The following NFATC3 variants were observed in gnomAD, a reference collection of about 807,000 sequenced individuals.
NFATC3 encodes the protein nuclear factor of activated T-cells, cytoplasmic 3.
Under a neutral mutation model 98.6 loss-of-function variants are expected in NFATC3, and 46 were observed. That is an observed-to-expected ratio of 0.47 (90% CI 0.37 to 0.60). The LOEUF is 0.60. NFATC3 is among the 20% of genes least tolerant of loss of function. NFATC3 has a pLI of 0.00. For missense variants in NFATC3, 1,256 were observed against 1,295.5 expected, an observed-to-expected ratio of 0.97 and a Z score of 0.47; for synonymous variants, 512 against 472.2, an observed-to-expected ratio of 1.08 and a Z score of -1.09.
intron 8 of NFATC3, among the ~76,000 whole-genome samples, chr16:68,186,424 C>T (rs2151103691): frequency 6.6e-6 from 1 of 152,040 alleles, no homozygotes; most frequent in Non-Finnish European, 1.5e-5. Context: ...CCTGTAGTCC[C>T]AGCTGCTGGG....
At chr16:68,129,056 C>T (rs1478658731) in intron 3 of NFATC3, among the ~76,000 whole-genome samples, 2 of 152,182 alleles carry the variant, frequency 1.3e-5, no homozygotes, top group African/African-American at 4.8e-5. Context: ...GATTGTGCCA[C>T]TGCACTCCAG....
chr16:68,158,363 A>G (rs1167187107), intron 4 of NFATC3, among the ~76,000 whole-genome samples: 1 of 152,190 alleles, frequency 6.6e-6, no homozygotes, highest in East Asian at 1.9e-4. Context: ...TAGGGTAGAC[A>G]ATAAATAAAC....
intron 3 of NFATC3, among the ~76,000 whole-genome samples, chr16:68,141,380 C>T (rs1223073687): frequency 4.6e-5 from 7 of 152,170 alleles, no homozygotes; most frequent in Non-Finnish European, 1.5e-5. Flanking sequence ...GAGAAATCTC[C>T]ATACTGTTTT....
At chr16:68,178,274 T>G (rs9935653) in intron 6 of NFATC3, among the ~76,000 whole-genome samples, 4,087 of 152,282 alleles carry the variant, frequency 0.027, 178 homozygotes, top group African/African-American at 0.092. Context: ...TTTTTCTCTC[T>G]GGGTTTCTTA....
At chr16:68,090,213 A>G (rs2034626962) in intron 1 of NFATC3, among the ~76,000 whole-genome samples, 1 of 152,028 alleles carries the variant, frequency 6.6e-6, no homozygotes. Context: ...TATCTTGTGT[A>G]AATGAGATAA....
intron 9 of NFATC3, among the ~76,000 whole-genome samples, chr16:68,220,919 A>AG (rs900760112): frequency 9.2e-5 from 14 of 151,640 alleles, no homozygotes; most frequent in Non-Finnish European, 1.9e-4. Context: ...ACTCTGTCTC[A>AG]GAAAAAAAAA....
rs755101209 is a variant in NFATC3 at position 68,122,374 on chromosome 16, C to T, written c.491C>T (p.Pro164Leu). 1.2e-6 allele frequency: 2 copies of T among 1,614,010 alleles called. No individual in the cohort carries two copies. The highest frequency in any genetic ancestry group is 1.3e-5 in the African/African-American group (1 of 74,922). ...EPSYRESSLS[P>L]SPASSISSRS... ...TCCTACCGGGAGTCTTCTCTTAGTCCTAGTCCTGCCAGCAGCATCTCTTCT... is the reference window on the plus strand; with the variant it reads ...TCCTACCGGGAGTCTTCTCTTAGTCTTAGTCCTGCCAGCAGCATCTCTTCT... The change falls in exon 2 of 10, where the codon CCT becomes CTT. Residue 164 changes from proline (P) to leucine (L), a missense_variant. Transcript: ENST00000346183.
chr16:68,088,894 A>C, intron 1 of NFATC3: 1 of 755,020 alleles, frequency 1.3e-6, no homozygotes, highest in Non-Finnish European at 1.6e-6. Flanking sequence ...CTAGTCTGGA[A>C]CTCCTGGGCT....
At chr16:68,165,518 T>C (rs909037325) in intron 4 of NFATC3, among the ~76,000 whole-genome samples, 35 of 150,292 alleles carry the variant, frequency 2.3e-4, no homozygotes, top group Non-Finnish European at 4.1e-4. Context: ...TGCCTCAGCC[T>C]CCCAAGTAGC....
At chr16:68,190,271 CAG>C (rs899735889) in intron 8 of NFATC3, among the ~76,000 whole-genome samples, 14 of 152,090 alleles carry the variant, frequency 9.2e-5, no homozygotes, top group Non-Finnish European at 2.9e-5. Flanking sequence ...CTATGAATGT[CAG>C]AGTCATGATT....
At chr16:68,174,540 T>C (rs764875939) in intron 6 of NFATC3, 26 bp downstream of exon 6, 28 of 1,522,778 alleles carry the variant, frequency 1.8e-5, no homozygotes, top group Non-Finnish European at 2.4e-5. Flanking sequence ...GTTGATTGAC[T>C]TCAAACTAAG....
At chr16:68,088,506 T>C (rs150045315) in intron 1 of NFATC3, among the ~76,000 whole-genome samples, 2 of 133,632 alleles carry the variant, frequency 1.5e-5, no homozygotes, top group Admixed American at 7.2e-5. Flanking sequence ...TTTTATATAT[T>C]ATATATAATG....
At position 68,092,689 on chromosome 16, in the gene NFATC3, T is replaced by C. The variant is rs552248405; in HGVS notation, c.103+6905T>C. On this transcript the variant is annotated intron_variant, in intron 1 of 9. Coordinates refer to ENST00000346183, the MANE Select transcript of NFATC3 (RefSeq NM_173165.3). ...AAGTATCTCTTGAGCCTAGGGATTC[T>C]AGACCAGTCTGGATAACATAAGGAT... Among the ~76,000 whole-genome samples, 70 of 152,242 alleles carry C rather than the reference T, an allele frequency of 4.6e-4. No individual in the cohort carries two copies. In the South Asian group the frequency reaches 0.014, roughly 31 times the overall value.
At position 68,126,561 on chromosome 16, in the gene NFATC3, G is replaced by A; in HGVS notation, c.1352G>A (p.Gly451Asp). The A allele has an allele frequency of 6.2e-7, 1 of 1,614,158 alleles. No homozygotes were observed. ...CATCGAGCCCATTATGAAACTGAAG[G>A]TAGCCGAGGGGCAGTAAAAGCATCT... Reference protein sequence around the residue: ...THHRAHYETEGSRGAVKASTG... With the variant: ...THHRAHYETEDSRGAVKASTG... Residue 451 changes from glycine to aspartate, a missense_variant, in exon 3 of 10, where the codon GGT becomes GAT. Coordinates refer to ENST00000346183, the MANE Select transcript of NFATC3 (RefSeq NM_173165.3).
At chr16:68,185,067 C>T (rs552082359) in intron 8 of NFATC3, among the ~76,000 whole-genome samples, 1 of 151,826 alleles carries the variant, frequency 6.6e-6, no homozygotes, top group South Asian at 2.1e-4. Context: ...CTGCAACCTC[C>T]GCCTCCAGGG....
At chr16:68,102,098 G>T (rs147100136) in intron 1 of NFATC3, among the ~76,000 whole-genome samples, 5,761 of 152,030 alleles carry the variant, frequency 0.038, 119 homozygotes, top group Middle Eastern at 0.15. Flanking sequence ...TTCACCAGGC[G>T]CAGTGGCTCA....
At chr16:68,197,378 G>T (rs970325532) in intron 9 of NFATC3, among the ~76,000 whole-genome samples, 1 of 152,138 alleles carries the variant, frequency 6.6e-6, no homozygotes, top group Non-Finnish European at 1.5e-5. Context: ...CAACTTCCTG[G>T]GCTGAAGCAT....
At chr16:68,123,987 C>T (rs935163394) in intron 2 of NFATC3, among the ~76,000 whole-genome samples, 1 of 151,470 alleles carries the variant, frequency 6.6e-6, no homozygotes, top group Non-Finnish European at 1.5e-5. Flanking sequence ...GTCTGCACCA[C>T]CCCCCTACAA....
intron 1 of NFATC3, among the ~76,000 whole-genome samples, chr16:68,096,155 G>A (rs762181751): frequency 6.6e-6 from 1 of 151,806 alleles, no homozygotes; most frequent in Non-Finnish European, 1.5e-5. Flanking sequence ...TGATAGAGAC[G>A]GAGTCTTTCT....
Sources: gnomAD v4.1 joint callset for allele counts (sites outside exome capture counted in the v4.1 genomes callset) on GRCh38, gnomAD v4.1.1 for gene constraint, MANE v1.5 for transcripts, NCBI Gene and HGNC (gene_info 2026-07-23, HGNC 2026-07-21) for gene names.